The following METTL24 variants were observed in gnomAD, a reference collection of about 807,000 sequenced individuals.
METTL24 encodes the protein probable methyltransferase-like protein 24.
Under a neutral mutation model 32.7 loss-of-function variants are expected in METTL24, and 29 were observed. The ratio of observed to expected loss-of-function variants is 0.89; its 90% CI spans 0.66 to 1.21. METTL24 has a LOEUF of 1.21. Ranked by LOEUF, METTL24 falls within the 50% of genes most tolerant of loss-of-function variation. METTL24 has a pLI of 0.00. For missense variants in METTL24, 439 were observed against 468.1 expected (o/e 0.94, Z 0.57); for synonymous variants, 163 against 179.5 (o/e 0.91, Z 0.73).
intron 1 of METTL24, among the ~76,000 whole-genome samples, chr6:110,349,072 G>A (rs6937178): frequency 0.043 from 6,582 of 152,262 alleles, 480 homozygotes; most frequent in African/African-American, 0.15. Context: ...CAGATTCAGT[G>A]AGGCATCCCA....
At chr6:110,255,181 T>C (rs534117125) in intron 4 of METTL24, among the ~76,000 whole-genome samples, 3 of 152,300 alleles carry the variant, frequency 2.0e-5, no homozygotes, top group Non-Finnish European at 4.4e-5. Context: ...TAATTTTATG[T>C]AGTAATTAGC....
intron 1 of METTL24, among the ~76,000 whole-genome samples, chr6:110,336,752 A>C (rs1303501245): frequency 5.4e-5 from 8 of 149,524 alleles, no homozygotes; most frequent in African/African-American, 1.5e-4. Flanking sequence ...AAAAAAAAAA[A>C]AAAACAAAAA....
At chr6:110,329,786 C>T (rs148867581) in intron 1 of METTL24, among the ~76,000 whole-genome samples, 440 of 152,308 alleles carry the variant, frequency 2.9e-3, no homozygotes, top group African/African-American at 0.01. Flanking sequence ...TTCAGGTAAC[C>T]CATGCAAAAA....
intron 1 of METTL24, among the ~76,000 whole-genome samples, chr6:110,338,480 A>G (rs1486306414): frequency 1.3e-5 from 2 of 152,208 alleles, no homozygotes; most frequent in African/African-American, 4.8e-5. Context: ...CCTGGGCAAC[A>G]GAGCAAGATT....
intron 4 of METTL24, among the ~76,000 whole-genome samples, chr6:110,265,165 GAAAGA>G (rs1770830863): frequency 6.7e-6 from 1 of 148,368 alleles, no homozygotes; most frequent in Admixed American, 6.7e-5. Context: ...AAGAAAGAAA[GAAAGA>G]AAGAAAGAAA....
At chr6:110,308,699 C>A (rs532313502) in intron 3 of METTL24, among the ~76,000 whole-genome samples, 1 of 152,184 alleles carries the variant, frequency 6.6e-6, no homozygotes, top group Non-Finnish European at 1.5e-5. Context: ...TGTCTATCAA[C>A]CAATGAATGA....
intron 2 of METTL24, among the ~76,000 whole-genome samples, chr6:110,318,041 C>T (rs1771857618): frequency 6.6e-6 from 1 of 152,174 alleles, no homozygotes. Flanking sequence ...GAGCTTTAAA[C>T]TGAAAACATC....
intron 1 of METTL24, among the ~76,000 whole-genome samples, chr6:110,342,871 T>C (rs554066233): frequency 4.6e-5 from 7 of 152,360 alleles, no homozygotes; most frequent in African/African-American, 2.4e-5. Flanking sequence ...TGTTGTAGCA[T>C]GTATCAGTGC....
intron 1 of METTL24, among the ~76,000 whole-genome samples, chr6:110,336,233 G>C (rs1199058879): frequency 6.6e-6 from 1 of 152,222 alleles, no homozygotes; most frequent in Non-Finnish European, 1.5e-5. Context: ...GTAGGGGCAG[G>C]GGCCAGCCCG....
chr6:110,304,802 G>C lies in METTL24; in HGVS notation c.558-5652C>G, dbSNP rs542233438. 2.0e-5 allele frequency among the ~76,000 whole-genome samples: 3 copies of C among 152,248 alleles called. 1 individual carries two copies. The South Asian group carries it at 6.2e-4, about 32-fold the overall frequency. On this transcript the variant is annotated intron_variant, in intron 3 of 4. Coordinates refer to ENST00000338882, the MANE Select transcript of METTL24 (RefSeq NM_001123364.3). ...CTAACATCCAAATTCAGAAAATACA[G>C]AGAACACCACAAAGATACTCTTTGA... is the stretch of plus-strand genomic sequence containing the variant.
intron 4 of METTL24, among the ~76,000 whole-genome samples, chr6:110,273,218 G>C (rs1316196329): frequency 6.6e-6 from 1 of 152,112 alleles, no homozygotes; most frequent in African/African-American, 2.4e-5. Flanking sequence ...TTATTGAATA[G>C]AGCGTCCTTT....
At position 110,261,318 on chromosome 6, in the gene METTL24, T is replaced by G. The variant is rs1770723181; in HGVS notation, c.787-15058A>C. 1.3e-5 allele frequency among the ~76,000 whole-genome samples: 2 copies of G among 152,156 alleles called. 1 individual carries two copies. On this transcript the variant is annotated intron_variant, in intron 4 of 4. Coordinates refer to ENST00000338882, the MANE Select transcript of METTL24 (RefSeq NM_001123364.3). ...ACAAAAAAAGGCAGGGTTGCAATCC[T>G]AGTCTCTGATAAAACAGACTTGAAA...
intron 3 of METTL24, among the ~76,000 whole-genome samples, chr6:110,310,322 CCT>C (rs1439438951): frequency 1.3e-5 from 2 of 152,256 alleles, no homozygotes; most frequent in East Asian, 3.9e-4. Context: ...TCAAATCTTT[CCT>C]CTCATGCCCA....
intron 3 of METTL24, among the ~76,000 whole-genome samples, chr6:110,303,065 G>A (rs375123867): frequency 7.9e-5 from 12 of 152,142 alleles, no homozygotes; most frequent in African/African-American, 2.9e-4. Context: ...AGGGGGTCGG[G>A]AAATCCCTCC....
At chr6:110,332,274 T>TG (rs1386412406) in intron 1 of METTL24, among the ~76,000 whole-genome samples, 1 of 152,072 alleles carries the variant, frequency 6.6e-6, no homozygotes, top group Non-Finnish European at 1.5e-5. Flanking sequence ...AAATTTGAGT[T>TG]GGAGTTTGTT....
At chr6:110,302,497 ATATATACACATATACACACACATATGTG>A (rs1771538828) in intron 3 of METTL24, among the ~76,000 whole-genome samples, 1 of 127,972 alleles carries the variant, frequency 7.8e-6, no homozygotes, top group Non-Finnish European at 1.6e-5. Flanking sequence ...ACATATGTGT[ATATATACACATATACACACACATATGTG>A]TATATATACA....
chr6:110,351,615 C>A (rs1336555730), intron 1 of METTL24, among the ~76,000 whole-genome samples: 1 of 152,166 alleles, frequency 6.6e-6, no homozygotes, highest in Admixed American at 6.5e-5. Flanking sequence ...AAAAATTATA[C>A]CAAATACTTA....
At chr6:110,318,127 C>G (rs1476115056) in intron 2 of METTL24, among the ~76,000 whole-genome samples, 1 of 152,204 alleles carries the variant, frequency 6.6e-6, no homozygotes, top group Non-Finnish European at 1.5e-5. Flanking sequence ...CTCCAAAAGT[C>G]AGGTAGGCAT....
At chr6:110,349,893 G>C (rs868114466) in intron 1 of METTL24, among the ~76,000 whole-genome samples, 1 of 152,218 alleles carries the variant, frequency 6.6e-6, no homozygotes, top group Non-Finnish European at 1.5e-5. Flanking sequence ...AGAATCTCAA[G>C]GGCAGGAATA....
Sources: allele counts gnomAD v4.1 joint callset (sites outside exome capture counted in the v4.1 genomes callset), GRCh38; gene constraint gnomAD v4.1.1; transcripts MANE v1.5; gene names NCBI Gene and HGNC (gene_info 2026-07-23, HGNC 2026-07-21).